ZNF106: variants seen among roughly 807,000 people sequenced by gnomAD.
The protein encoded by ZNF106 is SH3-domain binding protein 3.
Under a neutral mutation model 195.1 loss-of-function variants are expected in ZNF106, and 67 were observed. The observed-to-expected ratio is 0.34, with a 90% confidence interval of 0.28 to 0.42. The LOEUF is 0.42. ZNF106 is among the 10% of genes least tolerant of loss of function. The pLI is 1.00. For synonymous variants in ZNF106, 784 were observed against 818.6 expected (o/e 0.96, Z 0.72); for missense variants, 2,118 against 2,304.5 (o/e 0.92, Z 1.66).
intron 6 of ZNF106, 60 bp from the exon 7 acceptor site, chr15:42,446,718 GA>G: frequency 7.2e-7 from 1 of 1,383,058 alleles, no homozygotes; most frequent in South Asian, 1.3e-5. Flanking sequence ...TCCAAGAGGA[GA>G]AAAAGGAATC....
intron 10 of ZNF106, among the ~76,000 whole-genome samples, chr15:42,440,048 T>C (rs1036371195): frequency 2.0e-5 from 3 of 152,232 alleles, no homozygotes; most frequent in Non-Finnish European, 2.9e-5. Flanking sequence ...CAAAAGCTCC[T>C]TGTGGGGAGG....
intron 1 of ZNF106, among the ~76,000 whole-genome samples, chr15:42,474,077 T>C (rs1465767877): frequency 6.6e-6 from 1 of 152,150 alleles, no homozygotes; most frequent in Non-Finnish European, 1.5e-5. Flanking sequence ...GGGCTCCAGG[T>C]CCAGCCACCA....
At chr15:42,430,404 A>T (rs370007377) in intron 14 of ZNF106, among the ~76,000 whole-genome samples, 2 of 152,006 alleles carry the variant, frequency 1.3e-5, no homozygotes, top group South Asian at 2.1e-4. Context: ...TTTGAAAGAC[A>T]AGGTCTCGCT....
chr15:42,461,955 G>C (rs183875336), intron 3 of ZNF106, among the ~76,000 whole-genome samples: 14 of 152,256 alleles, frequency 9.2e-5, no homozygotes, highest in African/African-American at 3.4e-4. Context: ...CTATAATTTT[G>C]TAAGCTGGTT....
At chr15:42,484,319 T>C (rs1440517274) in intron 1 of ZNF106, among the ~76,000 whole-genome samples, 4 of 152,090 alleles carry the variant, frequency 2.6e-5, no homozygotes, top group African/African-American at 9.7e-5. Context: ...ATAATAAAAA[T>C]GAAAAATTAA....
chr15:42,433,131 A>C (rs570818574), intron 14 of ZNF106, among the ~76,000 whole-genome samples: 47 of 151,874 alleles, frequency 3.1e-4, no homozygotes, highest in African/African-American at 1.0e-3. Context: ...TTTGAGACGG[A>C]GTCTTGCTCT....
chr15:42,484,351 A>G (rs1161686599), intron 1 of ZNF106, among the ~76,000 whole-genome samples: 1 of 152,250 alleles, frequency 6.6e-6, no homozygotes, highest in Non-Finnish European at 1.5e-5. Flanking sequence ...TTATAAAGTA[A>G]CATGTATATC....
At chr15:42,433,486 C>T (rs13379842) in intron 14 of ZNF106, among the ~76,000 whole-genome samples, 16,132 of 83,848 alleles carry the variant, frequency 0.19, 2,900 homozygotes, top group African/African-American at 0.59. Flanking sequence ...TTTTTTTTTT[C>T]TTTTCTTTTT....
At chr15:42,483,021 C>G (rs2056937685) in intron 1 of ZNF106, among the ~76,000 whole-genome samples, 1 of 152,112 alleles carries the variant, frequency 6.6e-6, no homozygotes, top group South Asian at 2.1e-4. Flanking sequence ...TCTGGTTCTT[C>G]AGGCCACAAA....
At chr15:42,481,075 G>A (rs1368433449) in intron 1 of ZNF106, among the ~76,000 whole-genome samples, 1 of 151,988 alleles carries the variant, frequency 6.6e-6, no homozygotes, top group East Asian at 1.9e-4. Context: ...CATGCTTTAT[G>A]GGATATGTTT....
chr15:42,419,829 G>A (rs1365133403), intron 20 of ZNF106, among the ~76,000 whole-genome samples: 2 of 151,944 alleles, frequency 1.3e-5, no homozygotes, highest in Non-Finnish European at 1.5e-5. Context: ...GGGCGCCTGT[G>A]TTCCCAGCTA....
At chr15:42,440,995 AAAAATATATATATATAT>A (rs1567009093) in intron 10 of ZNF106, among the ~76,000 whole-genome samples, 1 of 52,096 alleles carries the variant, frequency 1.9e-5, no homozygotes, top group East Asian at 4.6e-4. Flanking sequence ...AAAAAAAAAA[AAAAATATATATATATAT>A]ATATATATAT....
At chr15:42,465,165 T>C (rs532666299) in intron 3 of ZNF106, among the ~76,000 whole-genome samples, 153 of 152,324 alleles carry the variant, frequency 1.0e-3, no homozygotes, top group Middle Eastern at 3.4e-3. Context: ...TTTTCCAAAA[T>C]GCTCGGATTA....
chr15:42,428,099 G>T lies in ZNF106; in HGVS notation c.4917C>A (p.Asp1639Glu). Residue 1639 changes from aspartate to glutamate, a missense_variant, in exon 15 of 22, where the codon GAC (aspartate) becomes GAA (glutamate). By Grantham distance (45) the Asp-to-Glu change is conservative. Transcript: ENST00000564754. ...RECVEQLQLE[D>E]RVLCLHSRWR... ...ATCTACTGTGGAGGCAGAGGACCCGGTCTTCCAGCTGTAACTGCTCCACAC... is the reference window on the plus strand; with the variant it reads ...ATCTACTGTGGAGGCAGAGGACCCGTTCTTCCAGCTGTAACTGCTCCACAC... 2 of 1,614,094 alleles carry T rather than the reference G, an allele frequency of 1.2e-6. No homozygotes were observed. The highest frequency in any genetic ancestry group is 1.7e-6 in the Non-Finnish European group (2 of 1,179,994).
chr15:42,417,855 G>A lies in ZNF106; in HGVS notation c.5614C>T (p.Arg1872Cys), dbSNP rs764607759. 5.0e-6 allele frequency: 8 copies of A among 1,613,860 alleles called. No individual in the cohort carries two copies. The highest frequency in any genetic ancestry group is 3.3e-5 in the Admixed American group (2 of 59,980). The change falls in exon 21 of 22, where the codon CGC (arginine) becomes TGC (cysteine). Residue 1872 changes from arginine (R) to cysteine (C), a missense_variant. Arg to Cys is a radical substitution (Grantham distance 180, BLOSUM62 -3). Transcript: ENST00000564754. Reference protein sequence around the residue: ...TNPNFQTLKCRWKNCDAFFTA... With the variant: ...TNPNFQTLKCCWKNCDAFFTA... ...AAAAAAGCATCGCAGTTCTTCCAGC[G>A]ACATTTCAGAGTCTGGAAGTTGGGA...
At chr15:42,457,380 A>T (rs534284903) in intron 3 of ZNF106, 1 of 1,406,040 alleles carries the variant, frequency 7.1e-7, no homozygotes, top group Non-Finnish European at 9.2e-7. Context: ...GAGGCAATAG[A>T]CTTCAGATAA....
At chr15:42,432,624 GCAC>G (rs1295435265) in intron 14 of ZNF106, among the ~76,000 whole-genome samples, 2 of 150,844 alleles carry the variant, frequency 1.3e-5, no homozygotes, top group African/African-American at 4.9e-5. Context: ...TGTAATCCCA[GCAC>G]TGTGGGAGAC....
intron 14 of ZNF106, among the ~76,000 whole-genome samples, chr15:42,431,452 G>A (rs1409802843): frequency 1.3e-5 from 2 of 150,254 alleles, no homozygotes; most frequent in South Asian, 2.1e-4. Context: ...GAGTACAGTG[G>A]TGCAAATCTC....
At chr15:42,487,024 C>T (rs981879279) in intron 1 of ZNF106, among the ~76,000 whole-genome samples, 2 of 151,924 alleles carry the variant, frequency 1.3e-5, no homozygotes, top group Non-Finnish European at 2.9e-5. Flanking sequence ...GTGGCAGGTG[C>T]CTGTAATCCC....
Sources: allele counts gnomAD v4.1 joint callset (sites outside exome capture counted in the v4.1 genomes callset), GRCh38; gene constraint gnomAD v4.1.1; transcripts MANE v1.5; gene names NCBI Gene and HGNC (gene_info 2026-07-23, HGNC 2026-07-21).